Variants in ERCC3 observed in about 807,000 individuals in gnomAD.
The protein encoded by ERCC3 is general transcription and DNA repair factor IIH helicase/translocase subunit XPB.
In ERCC3, 66 loss-of-function variants were observed where a neutral mutation model predicts 94.2. The observed-to-expected ratio is 0.70, with a 90% confidence interval of 0.57 to 0.86. ERCC3 has a LOEUF of 0.86. Among genes scored for constraint, ERCC3 ranks in the 40% least tolerant of loss-of-function variants. The pLI, the probability that ERCC3 is intolerant of heterozygous loss-of-function variation, is 0.00. For missense variants in ERCC3, 829 were observed against 987.1 expected (o/e 0.84, Z 2.15); for synonymous variants, 349 against 369.1 (o/e 0.95, Z 0.63).
At position 127,292,838 on chromosome 2, in the gene ERCC3, A is replaced by T. The variant is rs1046333193; in HGVS notation, c.243T>A (p.Asp81Glu). The part of the protein sequence containing the change: ...HTSRPLWVAP[D>E]GHIFLEAFSP... ...AGAAGGCTTCCAAGAAGATATGGCCATCGGGAGCCTGAGAGATACCAAATG... is the reference window on the plus strand; with the variant it reads ...AGAAGGCTTCCAAGAAGATATGGCCTTCGGGAGCCTGAGAGATACCAAATG... The change falls in exon 3 of 15, where the codon GAT becomes GAA. Residue 81 changes from aspartate (D) to glutamate (E), a missense_variant. By Grantham distance (45) the Asp-to-Glu change is conservative. Coordinates refer to ENST00000285398, the MANE Select transcript of ERCC3 (RefSeq NM_000122.2). The T allele has an allele frequency of 6.2e-7, 1 of 1,608,398 alleles. No homozygotes were observed. Among genetic ancestry groups the T allele is most frequent in the Non-Finnish European group, 8.5e-7 (1 of 1,175,588 alleles).
At position 127,279,510 on chromosome 2, in the gene ERCC3, C is replaced by T. The variant is rs1043927368; in HGVS notation, c.1528-135G>A. On this transcript the variant is annotated intron_variant, in intron 9 of 14. Transcript: ENST00000285398. This position sits in a 1 kb window ranked among gnomAD's most constrained non-coding sequence, Gnocchi z 4.7. ...GGTGCAGTGGCTCATGCCTGTAATGCCAGCAGTTTGGGAGGCTGAGGCAGG... is the reference window on the plus strand; with the variant it reads ...GGTGCAGTGGCTCATGCCTGTAATGTCAGCAGTTTGGGAGGCTGAGGCAGG... The T allele has an allele frequency of 1.3e-5, 10 of 744,666 alleles. No individual in the cohort carries two copies. The highest frequency in any genetic ancestry group is 4.8e-4 in the Middle Eastern group (2 of 4,192). 46.1% of individuals were successfully genotyped at this position (744,666 alleles called of 1,614,324 possible).
At chr2:127,292,379 C>G in intron 3 of ERCC3, 2 of 608,446 alleles carry the variant, frequency 3.3e-6, no homozygotes, top group Admixed American at 4.5e-5. Flanking sequence ...GTGGCCTCAC[C>G]CAGAACACAA....
chr2:127,271,221 CTCCAGAG>C lies in ERCC3; in HGVS notation c.1945+108_1945+114del. On this transcript the variant is annotated intron_variant, in intron 12 of 14. Transcript: ENST00000285398. The surrounding 1 kb of genome is among the most constrained non-coding windows in gnomAD (Gnocchi z 5.0). The stretch of plus-strand genomic sequence containing the variant: ...AGGTCTTTGCTTTGGGATTCTCTCC[CTCCAGAG>C]TCTATTTAGCCCCAGGGCACATGGC... The C allele has an allele frequency of 5.0e-6, 4 of 797,308 alleles. No homozygotes were observed. Among genetic ancestry groups the C allele is most frequent in the Non-Finnish European group, 9.1e-6 (4 of 441,680 alleles). The allele number at this position is 797,308 out of a possible 1,614,324, so 49.4% of individuals were successfully genotyped here. A position where few individuals can be genotyped will look rare whatever the true frequency, so the allele number is the denominator to read the frequency against.
chr2:127,270,537 C>A (rs1684514326), intron 12 of ERCC3, among the ~76,000 whole-genome samples: 1 of 152,230 alleles, frequency 6.6e-6, no homozygotes, highest in Non-Finnish European at 1.5e-5. Context: ...CTAGACGCTT[C>A]TTAAACACAT....
chr2:127,292,638 A>C lies in ERCC3; in HGVS notation c.443T>G (p.Val148Gly). 6.2e-7 allele frequency: 1 copy of C among 1,613,282 alleles called. No homozygotes were observed. Among genetic ancestry groups the C allele is most frequent in the Non-Finnish European group, 8.5e-7 (1 of 1,179,422 alleles). Residue 148 changes from valine (V) to glycine (G), a missense_variant, in exon 3 of 15, where the codon GTC becomes GGC. Coordinates refer to ENST00000285398, the MANE Select transcript of ERCC3 (RefSeq NM_000122.2). ...EYLRKLSKTGVPDGIMQFIKL... is the reference protein window; with the variant it reads ...EYLRKLSKTGGPDGIMQFIKL... ...AATAAACTGCATAATTCCATCAGGG[A>C]CTCCAGTCTTGCTGAGCTTCCTGAG...
Position 127,277,353 on chromosome 2 carries a change from T to C in ERCC3, c.1730+1820A>G, listed in dbSNP as rs1684763174. 1.3e-5 allele frequency among the ~76,000 whole-genome samples: 2 copies of C among 151,980 alleles called. No homozygotes were observed. Among genetic ancestry groups the C allele is most frequent in the Admixed American group, 6.6e-5 (1 of 15,260 alleles). On this transcript the variant is annotated intron_variant, in intron 10 of 14. Coordinates refer to ENST00000285398, the MANE Select transcript of ERCC3 (RefSeq NM_000122.2). This position sits in a 1 kb window ranked among gnomAD's most constrained non-coding sequence, Gnocchi z 5.1. ...TGCACAGAAAACCAAGCAAAAACAA[T>C]GACAAGGCAATTATTAACTCCAAGG... is the stretch of plus-strand genomic sequence containing the variant.
chr2:127,266,879 G>A (rs1684391532), intron 12 of ERCC3, among the ~76,000 whole-genome samples: 1 of 151,728 alleles, frequency 6.6e-6, no homozygotes, highest in Non-Finnish European at 1.5e-5. Context: ...GCCACACTCA[G>A]CTAATTTTTG....
intron 10 of ERCC3, among the ~76,000 whole-genome samples, chr2:127,278,900 C>G (rs980268356): frequency 5.3e-5 from 8 of 152,236 alleles, no homozygotes; most frequent in African/African-American, 1.9e-4. Context: ...CCCAGATCTT[C>G]CATGGGGCCC....
chr2:127,280,601 A>T lies in ERCC3; in HGVS notation c.1373T>A (p.Val458Glu). Residue 458 changes from valine (V) to glutamate (E), a missense_variant, in exon 9 of 15, where the codon GTG becomes GAG. Val to Glu is a moderately radical substitution (Grantham distance 121, BLOSUM62 -2). Coordinates refer to ENST00000285398, the MANE Select transcript of ERCC3 (RefSeq NM_000122.2). This position sits in a 1 kb window ranked among gnomAD's most constrained non-coding sequence, Gnocchi z 6.3. ...CAAACCCAGCTTACAGTGGGCCTGCACGATGGTGAGCACCCTTCGGAACAT... is the reference window on the plus strand; with the variant it reads ...CAAACCCAGCTTACAGTGGGCCTGCTCGATGGTGAGCACCCTTCGGAACAT... ...AKMFRRVLTI[V>E]QAHCKLGLTA... 1 of 1,614,208 alleles carries T rather than the reference A, an allele frequency of 6.2e-7. No individual in the cohort carries two copies. Among genetic ancestry groups the T allele is most frequent in the South Asian group, 1.1e-5 (1 of 91,082 alleles).
intron 13 of ERCC3, 52 bp downstream of exon 13, chr2:127,261,176 G>T (rs749799398): frequency 9.7e-7 from 1 of 1,029,268 alleles, no homozygotes; most frequent in Non-Finnish European, 1.5e-6. Context: ...GGAGGCCAGG[G>T]TATCAAGAAG....
intron 7 of ERCC3, among the ~76,000 whole-genome samples, chr2:127,287,243 G>A (rs1397251727): frequency 6.6e-6 from 1 of 152,174 alleles, no homozygotes; most frequent in African/African-American, 2.4e-5. Context: ...GGGGCCTACT[G>A]TAGCACTTTA....
intron 4 of ERCC3, 114 bp from the exon 5 acceptor site, chr2:127,289,938 C>T (rs1347375654): frequency 4.8e-6 from 6 of 1,256,198 alleles, no homozygotes; most frequent in African/African-American, 1.5e-5. Flanking sequence ...CTCCCCACAA[C>T]CCTTCGCCAA....
In ERCC3 at chr2:127,286,994, C is replaced by T; in HGVS notation, c.1051G>A (p.Val351Met). Residue 351 changes from valine (V) to methionine (M), a missense_variant, in exon 8 of 15, where the codon GTG becomes ATG. By Grantham distance (21) the Val-to-Met change is conservative. Coordinates refer to ENST00000285398, the MANE Select transcript of ERCC3 (RefSeq NM_000122.2). ...PCGAGKSLVG[V>M]TAACTVRKRC... ...TTTCTGACAGTGCATGCAGCAGTCA[C>T]ACCAACCAGGGACTTTCCAGCACCT... 3 of 1,613,146 alleles carry T rather than the reference C, an allele frequency of 1.9e-6. No homozygotes were observed. The highest frequency in any genetic ancestry group is 2.2e-5 in the South Asian group (2 of 91,080).
Position 127,261,337 on chromosome 2 carries a change from G to A in ERCC3, c.1955C>T (p.Ala652Val). 6.3e-7 allele frequency: 1 copy of A among 1,594,866 alleles called. No homozygotes were observed. Among genetic ancestry groups the A allele is most frequent in the African/African-American group, 1.3e-5 (1 of 74,636 alleles). Residue 652 changes from alanine to valine, a missense_variant, in exon 13 of 15, where the codon GCA becomes GTA. By Grantham distance (64) the Ala-to-Val change is moderately conservative. Transcript: ENST00000285398. ...GTAGAAAAAGGCATTGTACTCTTCT[G>A]CAACCATCCCTGCAGGAAAAAATGA... is the stretch of plus-strand genomic sequence containing the variant. ...RVLRAKKGMV[A>V]EEYNAFFYSL...
chr2:127,273,173 G>T (rs1047139855), intron 10 of ERCC3, among the ~76,000 whole-genome samples: 2 of 152,060 alleles, frequency 1.3e-5, no homozygotes, highest in African/African-American at 4.8e-5. Flanking sequence ...ATTCTCTTCG[G>T]GATTCCCTCC....
intron 7 of ERCC3, 125 bp from the exon 8 acceptor site, chr2:127,287,142 CT>C (rs1263144721): frequency 4.2e-5 from 30 of 709,902 alleles, no homozygotes; most frequent in Non-Finnish European, 7.4e-6. Context: ...TAGCTGACAT[CT>C]GAGCGACACA....
At position 127,291,365 on chromosome 2, in the gene ERCC3, T is replaced by C. The variant is rs1435159795; in HGVS notation, c.472-1092A>G. Among the ~76,000 whole-genome samples the C allele has an allele frequency of 1.2e-4, 18 of 152,138 alleles. No homozygotes were observed. The stretch of plus-strand genomic sequence containing the variant: ...ACCTCTGCCGCCCGGGTTCAAGTGA[T>C]TGTCCTGCCTCAGCCTCCTGAGTAG... On this transcript the variant is annotated intron_variant, in intron 3 of 14. Coordinates refer to ENST00000285398, the MANE Select transcript of ERCC3 (RefSeq NM_000122.2). The surrounding 1 kb of genome is among the most constrained non-coding windows in gnomAD (Gnocchi z 4.9).
rs1403560916 is a variant in ERCC3, at chr2:127,259,199, G to A, written c.2217+97C>T. 1.0e-5 allele frequency: 14 copies of A among 1,406,810 alleles called. No homozygotes were observed. Among genetic ancestry groups the A allele is most frequent in the Non-Finnish European group, 9.0e-6 (9 of 998,352 alleles). The allele number at this position is 1,406,810 out of a possible 1,614,324, so 87.1% of individuals were successfully genotyped here. A position where few individuals can be genotyped will look rare whatever the true frequency, so the allele number is the denominator to read the frequency against. On this transcript the variant is annotated intron_variant, in intron 14 of 14. Coordinates refer to ENST00000285398, the MANE Select transcript of ERCC3 (RefSeq NM_000122.2). The surrounding 1 kb of genome is among the most constrained non-coding windows in gnomAD (Gnocchi z 4.9). ...TCCAACATTTCCAAAAAAATCCCAT[G>A]GGCCCATCCAGGCAGGACTACATGT...
intron 12 of ERCC3, among the ~76,000 whole-genome samples, chr2:127,268,707 A>G (rs1401688916): frequency 6.6e-6 from 1 of 152,182 alleles, no homozygotes; most frequent in Non-Finnish European, 1.5e-5. Context: ...TTTCTTTTGT[A>G]TTGACCTTGG....
Sources: allele counts gnomAD v4.1 joint callset (sites outside exome capture counted in the v4.1 genomes callset), GRCh38; gene constraint gnomAD v4.1.1; non-coding constraint Gnocchi (gnomAD v3.1); transcripts MANE v1.5; gene names NCBI Gene and HGNC (gene_info 2026-07-23, HGNC 2026-07-21).